Variants in PHF20 observed in about 807,000 individuals in gnomAD.
The protein encoded by PHF20 is glioma-expressed antigen 2.
A neutral mutation model predicts 113.5 loss-of-function variants in PHF20; 23 were observed. The observed-to-expected ratio is 0.20, with a 90% CI of 0.15 to 0.29. The LOEUF is 0.29. Among genes scored for constraint, PHF20 ranks in the 10% least tolerant of loss-of-function variants. The pLI is 1.00. For missense variants in PHF20, 943 were observed against 1,219.6 expected (o/e 0.77, Z 3.38); for synonymous variants, 434 against 457.3 (o/e 0.95, Z 0.65).
chr20:35,850,905 A>G, intron 4 of PHF20: 1 of 728,714 alleles, frequency 1.4e-6, no homozygotes, highest in South Asian at 1.4e-5. Context: ...GTTTTTGACC[A>G]AGGGAAACAT....
At chr20:35,896,049 T>C (rs1297219138) in intron 9 of PHF20, among the ~76,000 whole-genome samples, 2 of 151,526 alleles carry the variant, frequency 1.3e-5, no homozygotes, top group South Asian at 2.1e-4. Context: ...TTGTTATAGG[T>C]AGAAAGTGAT....
chr20:35,941,634 T>G (rs999049823), intron 17 of PHF20, among the ~76,000 whole-genome samples: 8 of 152,202 alleles, frequency 5.3e-5, no homozygotes, highest in African/African-American at 1.7e-4. Flanking sequence ...CGGTTTTGGT[T>G]GTTGAAATAT....
At chr20:35,789,785 A>T (rs917001187) in intron 1 of PHF20, among the ~76,000 whole-genome samples, 1 of 146,982 alleles carries the variant, frequency 6.8e-6, no homozygotes, top group Admixed American at 6.8e-5. Flanking sequence ...TGACCTCATG[A>T]TCCGCCTGCC....
chr20:35,849,251 T>G, intron 4 of PHF20: 1 of 348,212 alleles, frequency 2.9e-6, no homozygotes, highest in South Asian at 2.3e-5. Flanking sequence ...GGAGCTCAGA[T>G]CTATGTCTGA....
intron 10 of PHF20, among the ~76,000 whole-genome samples, chr20:35,912,854 C>A (rs2055332492): frequency 6.6e-6 from 1 of 152,092 alleles, no homozygotes; most frequent in South Asian, 2.1e-4. Context: ...CCAGGTGATT[C>A]CAGTATGTAG....
intron 4 of PHF20, among the ~76,000 whole-genome samples, chr20:35,849,718 C>T (rs2042685256): frequency 6.6e-6 from 1 of 152,102 alleles, no homozygotes; most frequent in African/African-American, 2.4e-5. Flanking sequence ...GCAGTGGCCA[C>T]CAGCTTAATG....
chr20:35,871,624 C>T, intron 8 of PHF20, 26 bp from the exon 9 acceptor site: 8 of 1,566,290 alleles, frequency 5.1e-6, no homozygotes, highest in South Asian at 1.2e-5. Flanking sequence ...TGTATATTTC[C>T]CCCAAACTTT....
chr20:35,913,894 T>G, intron 11 of PHF20, 139 bp from the exon 12 acceptor site: 1 of 735,392 alleles, frequency 1.4e-6, no homozygotes, highest in East Asian at 2.7e-5. Flanking sequence ...TCATCTGCTC[T>G]CCACACCTCT....
chr20:35,838,718 G>A (rs1446098788), intron 2 of PHF20, among the ~76,000 whole-genome samples: 3 of 152,042 alleles, frequency 2.0e-5, no homozygotes, highest in South Asian at 4.1e-4. Flanking sequence ...GCGGGACGTG[G>A]TGGTTCATGC....
At chr20:35,793,900 A>G (rs1222667795) in intron 1 of PHF20, among the ~76,000 whole-genome samples, 2 of 146,174 alleles carry the variant, frequency 1.4e-5, no homozygotes, top group African/African-American at 2.5e-5. Flanking sequence ...GGGGAGGGTG[A>G]GGCAGGAGAT....
At chr20:35,866,868 T>C (rs532254952) in intron 6 of PHF20, among the ~76,000 whole-genome samples, 12 of 152,320 alleles carry the variant, frequency 7.9e-5, no homozygotes, top group African/African-American at 2.9e-4. Context: ...ATGAGTAGGA[T>C]AAATTTAATA....
chr20:35,793,871 G>A (rs1017073193), intron 1 of PHF20, among the ~76,000 whole-genome samples: 2 of 148,872 alleles, frequency 1.3e-5, no homozygotes, highest in Admixed American at 1.3e-4. Context: ...GGTGGTGCAC[G>A]CCTGTAATCC....
chr20:35,830,504 A>G (rs982339497), intron 2 of PHF20, among the ~76,000 whole-genome samples: 3 of 152,200 alleles, frequency 2.0e-5, no homozygotes, highest in East Asian at 1.9e-4. Context: ...TTCATGTATT[A>G]GACACTTGGG....
intron 1 of PHF20, among the ~76,000 whole-genome samples, chr20:35,787,812 G>T (rs1190670080): frequency 6.6e-6 from 1 of 151,308 alleles, no homozygotes; most frequent in South Asian, 2.1e-4. Context: ...ACAGAGTTTC[G>T]CTCTGTCTCC....
chr20:35,780,010 G>A (rs1164953306), intron 1 of PHF20, among the ~76,000 whole-genome samples: 5 of 152,164 alleles, frequency 3.3e-5, no homozygotes, highest in Admixed American at 3.3e-4. Flanking sequence ...ACTGAGATGA[G>A]TAATTTGTCC....
chr20:35,805,975 C>T (rs999970764), intron 2 of PHF20, among the ~76,000 whole-genome samples: 5 of 151,972 alleles, frequency 3.3e-5, no homozygotes, highest in African/African-American at 1.2e-4. Flanking sequence ...AGCGATTCTC[C>T]TGCCTCAGCC....
intron 1 of PHF20, among the ~76,000 whole-genome samples, chr20:35,798,438 G>A (rs182193767): frequency 1.3e-5 from 2 of 151,570 alleles, no homozygotes; most frequent in East Asian, 1.9e-4. Flanking sequence ...ATTCATATGA[G>A]TTTTTTTCTT....
At chr20:35,824,564 GC>G (rs2042230305) in intron 2 of PHF20, among the ~76,000 whole-genome samples, 1 of 151,100 alleles carries the variant, frequency 6.6e-6, no homozygotes, top group African/African-American at 2.4e-5. Context: ...CCAAGATCAC[GC>G]CATTGCACTC....
intron 2 of PHF20, among the ~76,000 whole-genome samples, chr20:35,811,286 C>A (rs1234388675): frequency 6.6e-6 from 1 of 152,148 alleles, no homozygotes; most frequent in Non-Finnish European, 1.5e-5. Flanking sequence ...ACCTCATGAT[C>A]TGTCCACCTC....
Sources: allele counts gnomAD v4.1 joint callset (sites outside exome capture counted in the v4.1 genomes callset), GRCh38; gene constraint gnomAD v4.1.1; transcripts MANE v1.5; gene names NCBI Gene and HGNC (gene_info 2026-07-23, HGNC 2026-07-21).